FARS2: variants seen among roughly 807,000 people sequenced by gnomAD.
FARS2 encodes phenylalanyl-tRNA synthetase 2, mitochondrial.
In FARS2, 40 loss-of-function variants were observed where a neutral mutation model predicts 46.4. The ratio of observed to expected loss-of-function variants is 0.86; its 90% CI spans 0.67 to 1.12. The LOEUF (loss-of-function observed/expected upper bound fraction) is 1.12, where lower values mean the gene tolerates loss of function less well. Among genes scored for constraint, FARS2 ranks in the 50% most tolerant of loss-of-function variants. The pLI, the probability that FARS2 is intolerant of heterozygous loss-of-function variation, is 0.00. For synonymous variants in FARS2, 234 were observed against 214.9 expected, an observed-to-expected ratio of 1.09 and a Z score of -0.78; for missense variants, 513 against 567.9, an observed-to-expected ratio of 0.90 and a Z score of 0.98.
chr6:5,381,093 T>C (rs7753188), intron 2 of FARS2, among the ~76,000 whole-genome samples: 65,674 of 150,952 alleles, frequency 0.44, 14,673 homozygotes, highest in South Asian at 0.55. Flanking sequence ...CTCCACCTCC[T>C]GGGTTCACGC....
intron 4 of FARS2, among the ~76,000 whole-genome samples, chr6:5,521,055 A>G (rs1414812682): frequency 6.6e-6 from 1 of 152,142 alleles, no homozygotes; most frequent in East Asian, 1.9e-4. Context: ...TGGTTCTTAG[A>G]AGCTTTTTTG....
In FARS2 at chr6:5,609,083, A is replaced by G. The variant is rs1247185032; in HGVS notation, c.1066-4086A>G. The stretch of plus-strand genomic sequence containing the variant: ...AGTCCTCAGTTTTTTGCCCATACAC[A>G]TGAGTATTTGTCTAAAATATGTCTT... On this transcript the variant is annotated intron_variant, in intron 5 of 6. Coordinates refer to ENST00000274680, the MANE Select transcript of FARS2 (RefSeq NM_006567.5). 11 of 602,528 alleles carry G rather than the reference A, an allele frequency of 1.8e-5. 1 individual carries two copies. The highest frequency in any genetic ancestry group is 1.6e-4 in the South Asian group (10 of 63,802). The allele number at this position is 602,528 out of a possible 1,614,324, so 37.3% of individuals were successfully genotyped here. A position where few individuals can be genotyped will look rare whatever the true frequency, so the allele number is the denominator to read the frequency against.
chr6:5,296,352 AG>A (rs1194819245), intron 1 of FARS2, among the ~76,000 whole-genome samples: 2 of 152,004 alleles, frequency 1.3e-5, no homozygotes, highest in Non-Finnish European at 2.9e-5. Context: ...TGTGTTAGCC[AG>A]GATGGTCTCG....
upstream of FARS2, among the ~76,000 whole-genome samples, chr6:5,258,779 A>T (rs1231431004): frequency 6.6e-6 from 1 of 152,198 alleles, no homozygotes; most frequent in Admixed American, 6.5e-5. Flanking sequence ...GTATAATTTG[A>T]TCAATTATTT....
intron 4 of FARS2, among the ~76,000 whole-genome samples, chr6:5,489,320 G>A (rs2150357590): frequency 6.6e-6 from 1 of 152,242 alleles, no homozygotes; most frequent in African/African-American, 2.4e-5. Flanking sequence ...CAGGCGTGAT[G>A]GTGCACGCCT....
chr6:5,730,822 T>G (rs936664065), intron 6 of FARS2, among the ~76,000 whole-genome samples: 2 of 152,202 alleles, frequency 1.3e-5, no homozygotes, highest in African/African-American at 4.8e-5. Context: ...TGTGCTTATG[T>G]TTCAAGCACT....
chr6:5,707,822 A>G (rs1758854465), intron 6 of FARS2, among the ~76,000 whole-genome samples: 1 of 152,218 alleles, frequency 6.6e-6, no homozygotes, highest in Admixed American at 6.5e-5. Context: ...GGGGCCCCAG[A>G]CAGGATGAAT....
chr6:5,510,489 A>G (rs1768377691), intron 4 of FARS2, among the ~76,000 whole-genome samples: 1 of 152,100 alleles, frequency 6.6e-6, no homozygotes, highest in Non-Finnish European at 1.5e-5. Flanking sequence ...CTTTCGCCCT[A>G]GTTAGTCTTT....
At chr6:5,286,074 G>A (rs1434833583) in intron 1 of FARS2, among the ~76,000 whole-genome samples, 2 of 151,788 alleles carry the variant, frequency 1.3e-5, no homozygotes, top group African/African-American at 2.4e-5. Context: ...AACCTTTTTC[G>A]CTCATCTTCT....
intron 4 of FARS2, among the ~76,000 whole-genome samples, chr6:5,481,730 C>CTTT (rs1554100101): frequency 1.6e-4 from 24 of 151,846 alleles, no homozygotes; most frequent in Non-Finnish European, 2.6e-4. Context: ...CTTATCCAGC[C>CTTT]TTTCCCTGGG....
Position 5,277,204 on chromosome 6 carries a change from GT to G in FARS2, c.-22+15556del, listed in dbSNP as rs561665754. On this transcript the variant is annotated intron_variant, in intron 1 of 6. Transcript: ENST00000274680. Reference sequence around the variant, plus strand: ...TCAGCAGGGGCTGGTTCACAGTTTTGTTTTTTTTTTTTCTTTTCTTTTCCCA... The same window carrying G: ...TCAGCAGGGGCTGGTTCACAGTTTTGTTTTTTTTTTTCTTTTCTTTTCCCA... Among the ~76,000 whole-genome samples, 221 of 143,406 alleles carry G rather than the reference GT, an allele frequency of 1.5e-3. 4 individuals are homozygous for G. In the East Asian group the frequency reaches 0.035, roughly 22 times the overall value. The allele number at this position is 143,406 out of a possible 152,430, so 94.1% of individuals were successfully genotyped here. A position where few individuals can be genotyped will look rare whatever the true frequency, so the allele number is the denominator to read the frequency against.
At chr6:5,512,988 C>G (rs1399188185) in intron 4 of FARS2, among the ~76,000 whole-genome samples, 3 of 150,850 alleles carry the variant, frequency 2.0e-5, no homozygotes, top group Non-Finnish European at 4.4e-5. Context: ...GTGTCCTTGT[C>G]TGATTTTCAT....
intron 4 of FARS2, among the ~76,000 whole-genome samples, chr6:5,486,756 G>A (rs986959790): frequency 1.3e-5 from 2 of 152,196 alleles, no homozygotes; most frequent in African/African-American, 4.8e-5. Flanking sequence ...TCAGCTGTCA[G>A]CCACGTTTCC....
At chr6:5,425,892 G>A (rs757787041) in intron 3 of FARS2, among the ~76,000 whole-genome samples, 1 of 152,150 alleles carries the variant, frequency 6.6e-6, no homozygotes, top group Non-Finnish European at 1.5e-5. Flanking sequence ...GTCTTTTCTT[G>A]AAACCACTGG....
At chr6:5,345,057 G>T (rs187640617) in intron 1 of FARS2, among the ~76,000 whole-genome samples, 1 of 152,090 alleles carries the variant, frequency 6.6e-6, no homozygotes, top group Admixed American at 6.5e-5. Flanking sequence ...CTCCCAAAGT[G>T]CTGGGATTAC....
chr6:5,395,262 G>A lies in FARS2; in HGVS notation c.613-9280G>A, dbSNP rs575574345. 2.6e-5 allele frequency among the ~76,000 whole-genome samples: 4 copies of A among 152,224 alleles called. No homozygotes were observed. In the East Asian group the frequency reaches 7.7e-4, roughly 29 times the overall value. ...GACAGAGTCTCACCATGTTGGCCAG[G>A]CTGGTCTTGAGCTCCTGACCTCAAG... On this transcript the variant is annotated intron_variant, in intron 2 of 6. Coordinates refer to ENST00000274680, the MANE Select transcript of FARS2 (RefSeq NM_006567.5).
chr6:5,437,776 A>T (rs368299866), intron 4 of FARS2, among the ~76,000 whole-genome samples: 1 of 152,094 alleles, frequency 6.6e-6, no homozygotes, highest in African/African-American at 2.4e-5. Context: ...AAGGAGTCAT[A>T]TGCATTTTTT....
At position 5,764,235 on chromosome 6, in the gene FARS2, C is replaced by G. The variant is rs919932115; in HGVS notation, c.1218-7056C>G. 6.6e-6 allele frequency among the ~76,000 whole-genome samples: 1 copy of G among 152,104 alleles called. No homozygotes were observed. Among genetic ancestry groups the G allele is most frequent in the East Asian group, 1.9e-4 (1 of 5,188 alleles). ...ATGTAAGCTGCCCAGAGTCGCACAG[C>G]TAGCAAAGGGCAGAGCAGGAATTAG... On this transcript the variant is annotated intron_variant, in intron 6 of 6. Transcript: ENST00000274680. This position sits in a 1 kb window ranked among gnomAD's most constrained non-coding sequence, Gnocchi z 4.1.
At chr6:5,410,083 C>T (rs1761848934) in intron 3 of FARS2, among the ~76,000 whole-genome samples, 1 of 151,956 alleles carries the variant, frequency 6.6e-6, no homozygotes, top group Admixed American at 6.6e-5. Flanking sequence ...TGAATGTTAA[C>T]AATGCTTTCA....
Sources: allele counts gnomAD v4.1 joint callset (sites outside exome capture counted in the v4.1 genomes callset), GRCh38; gene constraint gnomAD v4.1.1; non-coding constraint Gnocchi (gnomAD v3.1); transcripts MANE v1.5; gene names NCBI Gene and HGNC (gene_info 2026-07-23, HGNC 2026-07-21).